The following CCDC187 variants were observed in gnomAD, a reference collection of about 807,000 sequenced individuals.
CCDC187 encodes coiled-coil domain-containing protein 187.
In CCDC187, 32 loss-of-function variants were observed where a neutral mutation model predicts 38.0. The observed-to-expected ratio is 0.84, with a 90% CI of 0.64 to 1.13. The LOEUF is 1.13. CCDC187 is among the 50% of genes most tolerant of loss of function. The pLI is 0.00. For missense variants in CCDC187, 707 were observed against 786.8 expected (o/e 0.90, Z 1.21); for synonymous variants, 333 against 347.9 (o/e 0.96, Z 0.48).
In CCDC187 at chr9:136,291,239, G is replaced by A. The variant is rs1831321322; in HGVS notation, c.1374C>T (p.Ser458=). The change falls in exon 6 of 26, where the codon TCC becomes TCT. Residue 458 remains serine, a synonymous_variant. Transcript: ENST00000638797. ...GGGCCCCCCAGGCCCTCTGCGGACA[G>A]GACTCCCGTGCAGTGGAGGAGCTCC... The part of the protein sequence containing the change: ...EPWSSSTARE[S]CPQRAWGAQG... 2.5e-6 allele frequency: 1 copy of A among 398,794 alleles called. No individual in the cohort carries two copies. Among genetic ancestry groups the A allele is most frequent in the Non-Finnish European group, 4.4e-6 (1 of 226,158 alleles). The allele number at this position is 398,794 out of a possible 1,614,324, so 24.7% of individuals were successfully genotyped here.
chr9:136,281,959 A>G (rs1332540266), intron 9 of CCDC187, among the ~76,000 whole-genome samples: 1 of 152,120 alleles, frequency 6.6e-6, no homozygotes, highest in Non-Finnish European at 1.5e-5. Context: ...CCACCAGCCC[A>G]CATCTGGGAA....
chr9:136,281,248 G>A, intron 10 of CCDC187: 1 of 397,208 alleles, frequency 2.5e-6, no homozygotes, highest in Non-Finnish European at 4.4e-6. Flanking sequence ...TGATGGGACT[G>A]TAAGGAAGCG....
intron 9 of CCDC187, among the ~76,000 whole-genome samples, chr9:136,281,966 G>A (rs1233618064): frequency 2.6e-5 from 4 of 152,196 alleles, no homozygotes; most frequent in African/African-American, 9.7e-5. Flanking sequence ...CCCACATCTG[G>A]GAAGCGTTGG....
At chr9:136,283,289 A>T (rs984218452) in intron 9 of CCDC187, among the ~76,000 whole-genome samples, 1 of 152,138 alleles carries the variant, frequency 6.6e-6, no homozygotes, top group African/African-American at 2.4e-5. Context: ...AACCAGTCTG[A>T]GAGGCGGCCG....
intron 21 of CCDC187, 28 bp downstream of exon 21, chr9:136,259,335 G>GGAA: frequency 3.1e-6 from 3 of 966,016 alleles, no homozygotes; most frequent in Non-Finnish European, 3.7e-6. Flanking sequence ...GCGGTGCTGG[G>GGAA]GAAAGGGCTT....
rs1205563020 is a variant in CCDC187, at chr9:136,290,749, G to T, written c.1864C>A (p.Pro622Thr). The stretch of plus-strand genomic sequence containing the variant: ...AGGAGCCCCCGGGACCTGGGGCAGG[G>T]CCGCAGCGTGTCCTTCTCCTTCCCA... The part of the protein sequence containing the change: ...PLGKEKDTLR[P>T]CPRSRGLLGP... Residue 622 changes from proline (P) to threonine (T), a missense_variant, in exon 6 of 26, where the codon CCC becomes ACC. Coordinates refer to ENST00000638797, the MANE Select transcript of CCDC187 (RefSeq NM_001378188.1). The T allele has an allele frequency of 7.5e-6, 3 of 398,514 alleles. No homozygotes were observed. Among genetic ancestry groups the T allele is most frequent in the East Asian group, 7.1e-5 (2 of 28,056 alleles). The allele number at this position is 398,514 out of a possible 1,614,324, so 24.7% of individuals were successfully genotyped here.
At chr9:136,292,629 G>A (rs918018388) in intron 4 of CCDC187, among the ~76,000 whole-genome samples, 3 of 152,204 alleles carry the variant, frequency 2.0e-5, no homozygotes, top group Admixed American at 6.5e-5. Context: ...AGCACAGGCC[G>A]GGCACGCAGC....
At position 136,290,920 on chromosome 9, in the gene CCDC187, G is replaced by C; in HGVS notation, c.1693C>G (p.Pro565Ala). 1.0e-5 allele frequency: 4 copies of C among 398,660 alleles called. No individual in the cohort carries two copies. The highest frequency in any genetic ancestry group is 1.8e-5 in the Non-Finnish European group (4 of 226,116). 24.7% of individuals were successfully genotyped at this position (398,660 alleles called of 1,614,324 possible). The change falls in exon 6 of 26, where the codon CCC becomes GCC. Residue 565 changes from proline (P) to alanine (A), a missense_variant. Transcript: ENST00000638797. Reference sequence around the variant, plus strand: ...CAGGGCCGCTGGGCTGGAGGACTGGGCCTTTCCAGAGGGTTCCGCAGTCTG... The same window carrying C: ...CAGGGCCGCTGGGCTGGAGGACTGGCCCTTTCCAGAGGGTTCCGCAGTCTG... ...GPRLRNPLER[P>A]SPPAQRPWSS... is the part of the protein sequence containing the mutation.
rs1421000807 is a variant in CCDC187 at position 136,267,383 on chromosome 9, C to T, written c.3647+1G>A. 5 of 985,474 alleles carry T rather than the reference C, an allele frequency of 5.1e-6. No individual in the cohort carries two copies. Among genetic ancestry groups the T allele is most frequent in the African/African-American group, 3.5e-5 (2 of 57,226 alleles). The allele number at this position is 985,474 out of a possible 1,614,324, so 61.0% of individuals were successfully genotyped here. On this transcript the variant is annotated splice_donor_variant, in intron 16 of 25. Coordinates refer to ENST00000638797, the MANE Select transcript of CCDC187 (RefSeq NM_001378188.1). LOFTEE classifies it high-confidence loss of function. The stretch of plus-strand genomic sequence containing the variant: ...GGCCGGCGCCAGGCGCATGCGCTCA[C>T]CCTCGTCGATGCTCCAGCCAGGCCA...
chr9:136,299,288 G>A (rs1831614003), intron 3 of CCDC187, among the ~76,000 whole-genome samples: 1 of 152,152 alleles, frequency 6.6e-6, no homozygotes, highest in Non-Finnish European at 1.5e-5. Context: ...CACTCCACAT[G>A]GGAGGGACAC....
chr9:136,275,806 TC>T (rs1830921309), intron 12 of CCDC187, among the ~76,000 whole-genome samples: 1 of 152,070 alleles, frequency 6.6e-6, no homozygotes. Context: ...GACACTAAGC[TC>T]CTTCCTGTCT....
In CCDC187 at chr9:136,253,948, C is replaced by T. The variant is rs868924477; in HGVS notation, c.5880G>A (p.Ala1960=). The T allele has an allele frequency of 1.6e-5, 16 of 985,396 alleles. No individual in the cohort carries two copies. In the Admixed American group the frequency reaches 3.7e-4, roughly 23 times the overall value. The allele number at this position is 985,396 out of a possible 1,614,324, so 61.0% of individuals were successfully genotyped here. A position where few individuals can be genotyped will look rare whatever the true frequency, so the allele number is the denominator to read the frequency against. The change falls in exon 26 of 26, where the codon GCG becomes GCA. Residue 1960 remains alanine, a synonymous_variant. Transcript: ENST00000638797. ...RLAPPVAESR[A]PGPGGNGAPT... is the part of the protein sequence containing the mutation. Reference sequence around the variant, plus strand: ...GGGCCCCATTCCCACCAGGCCCAGGCGCCCGGCTCTCAGCTACTGGAGGTG... The same window carrying T: ...GGGCCCCATTCCCACCAGGCCCAGGTGCCCGGCTCTCAGCTACTGGAGGTG...
At chr9:136,263,882 G>A (rs1166317099) in intron 17 of CCDC187, 84 bp from the exon 18 acceptor site, 9 of 920,010 alleles carry the variant, frequency 9.8e-6, no homozygotes, top group Non-Finnish European at 1.2e-5. Flanking sequence ...GGTGTCTGGG[G>A]GGATGCCCTG....
intron 7 of CCDC187, among the ~76,000 whole-genome samples, chr9:136,288,834 C>T (rs1021343061): frequency 2.0e-5 from 3 of 152,228 alleles, no homozygotes; most frequent in Non-Finnish European, 4.4e-5. Flanking sequence ...GGGACCCTCA[C>T]GCCGGCCGGG....
chr9:136,304,929 C>T (rs1164468606), upstream of CCDC187, among the ~76,000 whole-genome samples: 3 of 152,224 alleles, frequency 2.0e-5, no homozygotes, highest in African/African-American at 7.2e-5. Context: ...GAGGGCCCTC[C>T]TCCAGGCTCA....
At chr9:136,289,912 C>CCA in intron 7 of CCDC187, 47 bp downstream of exon 7, 2 of 392,310 alleles carry the variant, frequency 5.1e-6, no homozygotes, top group Non-Finnish European at 9.0e-6. Context: ...CTTGGCCCCC[C>CCA]CCAAGGCCCC....
chr9:136,269,896 C>T (rs116332895), intron 14 of CCDC187, among the ~76,000 whole-genome samples: 381 of 152,060 alleles, frequency 2.5e-3, no homozygotes, highest in African/African-American at 7.9e-3. Flanking sequence ...GGATATAAAA[C>T]GAAAAGATCC....
chr9:136,287,741 G>A (rs1334008604), intron 7 of CCDC187, among the ~76,000 whole-genome samples: 6 of 152,218 alleles, frequency 3.9e-5, no homozygotes, highest in East Asian at 1.9e-4. Flanking sequence ...TCCTGCTCAC[G>A]TGAGGGTCCT....
chr9:136,258,711 T>C lies in CCDC187; in HGVS notation c.4366+221A>G. ...ATCCCAGCCAGTTATGACTTTTAAT[T>C]TCTCCAGAAGAGCCGCTGCGTCACC... On this transcript the variant is annotated intron_variant, in intron 22 of 25. Transcript: ENST00000638797. The surrounding 1 kb of genome is among the most constrained non-coding windows in gnomAD (Gnocchi z 4.3). 1.4e-5 allele frequency: 14 copies of C among 985,452 alleles called. No homozygotes were observed. Among genetic ancestry groups the C allele is most frequent in the Non-Finnish European group, 1.7e-5 (14 of 829,934 alleles). 61.0% of individuals were successfully genotyped at this position (985,452 alleles called of 1,614,324 possible). A position where few individuals can be genotyped will look rare whatever the true frequency, so the allele number is the denominator to read the frequency against.
Sources: allele counts gnomAD v4.1 joint callset (sites outside exome capture counted in the v4.1 genomes callset), GRCh38; gene constraint gnomAD v4.1.1; non-coding constraint Gnocchi (gnomAD v3.1); transcripts MANE v1.5; gene names NCBI Gene and HGNC (gene_info 2026-07-23, HGNC 2026-07-21).